Variants in TAFA2 observed in about 807,000 individuals in gnomAD.
TAFA2 encodes chemokine-like protein TAFA-2.
TAFA2 carries 7 observed loss-of-function variants against 18.8 expected under a neutral mutation model. The observed-to-expected ratio is 0.37, with a 90% confidence interval of 0.21 to 0.70. The LOEUF (loss-of-function observed/expected upper bound fraction) is 0.70. Ranked by LOEUF, TAFA2 falls within the 30% of genes least tolerant of loss-of-function variation. The pLI is 0.53. For synonymous variants in TAFA2, 60 were observed against 54.2 expected, an observed-to-expected ratio of 1.11 and a Z score of -0.47; for missense variants, 122 against 158.1, an observed-to-expected ratio of 0.77 and a Z score of 1.23.
intron 4 of TAFA2, among the ~76,000 whole-genome samples, chr12:61,734,247 A>C (rs1868267116): frequency 1.3e-5 from 2 of 151,748 alleles, no homozygotes. Flanking sequence ...CATCATTCTC[A>C]GTAAACTATC....
At chr12:61,861,847 A>T (rs1196353185) in intron 2 of TAFA2, among the ~76,000 whole-genome samples, 2 of 152,212 alleles carry the variant, frequency 1.3e-5, no homozygotes, top group Non-Finnish European at 2.9e-5. Context: ...AATTTAAAAA[A>T]TTTTGTTTTT....
At position 62,169,158 on chromosome 12, in the gene TAFA2, T is replaced by C. The variant is rs139793407; in HGVS notation, c.-2+22101A>G. 1.4e-3 allele frequency among the ~76,000 whole-genome samples: 208 copies of C among 152,310 alleles called. 1 individual carries two copies. The Middle Eastern group carries it at 0.027, about 20-fold the overall frequency. On this transcript the variant is annotated intron_variant, in intron 1 of 4. Coordinates refer to ENST00000416284, the MANE Select transcript of TAFA2 (RefSeq NM_178539.5). The stretch of plus-strand genomic sequence containing the variant: ...ACTGAAATATTTACAAAATAAATGA[T>C]AGATATCTTGAACCTTCTACAAAAT...
At chr12:61,994,736 A>G (rs560860723) in intron 1 of TAFA2, among the ~76,000 whole-genome samples, 1 of 151,884 alleles carries the variant, frequency 6.6e-6, no homozygotes, top group African/African-American at 2.4e-5. Flanking sequence ...TGTCCACTCA[A>G]TCTCCCTTCG....
intron 1 of TAFA2, among the ~76,000 whole-genome samples, chr12:61,959,809 C>T (rs1177777506): frequency 1.3e-5 from 2 of 151,980 alleles, no homozygotes; most frequent in Non-Finnish European, 2.9e-5. Flanking sequence ...TTTATTTAAA[C>T]ATTTGCAATG....
chr12:61,754,856 A>T lies in TAFA2; in HGVS notation c.259+16T>A, dbSNP rs769905728. On this transcript the variant is annotated intron_variant, in intron 3 of 4. Transcript: ENST00000416284. ...CTTGGCTGTGCTGTTACAATAAGGA[A>T]TGGAAGAAGTCACACCATCCACACA... The T allele has an allele frequency of 1.2e-6, 2 of 1,611,620 alleles. No individual in the cohort carries two copies. Among genetic ancestry groups the T allele is most frequent in the Admixed American group, 3.3e-5 (2 of 59,812 alleles).
At chr12:61,749,917 A>G (rs1014955049) in intron 4 of TAFA2, among the ~76,000 whole-genome samples, 1 of 152,062 alleles carries the variant, frequency 6.6e-6, no homozygotes, top group Non-Finnish European at 1.5e-5. Flanking sequence ...CCATACCATT[A>G]GGCAAGGACT....
chr12:62,046,401 G>A (rs1042037182), intron 1 of TAFA2, among the ~76,000 whole-genome samples: 26 of 151,814 alleles, frequency 1.7e-4, no homozygotes, highest in African/African-American at 6.3e-4. Context: ...AAAAAGATAT[G>A]CAGTACCTAA....
At chr12:61,808,635 T>C (rs1871729202) in intron 2 of TAFA2, among the ~76,000 whole-genome samples, 1 of 151,420 alleles carries the variant, frequency 6.6e-6, no homozygotes, top group Non-Finnish European at 1.5e-5. Context: ...GTTGGGTCCA[T>C]GTTTTTAAAA....
chr12:62,237,824 G>GT (rs2062845097), intron 1 of TAFA2, among the ~76,000 whole-genome samples: 1 of 152,170 alleles, frequency 6.6e-6, no homozygotes, highest in Non-Finnish European at 1.5e-5. Context: ...CAGATTAGGG[G>GT]TTACAGGGTC....
At chr12:61,934,223 A>C (rs1032864414) in intron 1 of TAFA2, among the ~76,000 whole-genome samples, 13 of 152,218 alleles carry the variant, frequency 8.5e-5, no homozygotes, top group African/African-American at 2.7e-4. Context: ...ACTGTTCTCC[A>C]AAACTTCCCT....
At chr12:62,111,629 T>C (rs1294353975) in intron 1 of TAFA2, among the ~76,000 whole-genome samples, 5 of 152,222 alleles carry the variant, frequency 3.3e-5, no homozygotes, top group African/African-American at 7.2e-5. Flanking sequence ...TGTAAGTCTC[T>C]TTGTAGGTCT....
At chr12:62,029,395 G>GC (rs1344817845) in intron 1 of TAFA2, among the ~76,000 whole-genome samples, 1 of 152,086 alleles carries the variant, frequency 6.6e-6, no homozygotes, top group Non-Finnish European at 1.5e-5. Context: ...TTATTGATAA[G>GC]AAAATTATGT....
intron 1 of TAFA2, among the ~76,000 whole-genome samples, chr12:62,239,709 T>G (rs1268668362): frequency 6.6e-6 from 1 of 152,200 alleles, no homozygotes; most frequent in Non-Finnish European, 1.5e-5. Flanking sequence ...GAACCCCAAC[T>G]GAGGTCCTAT....
chr12:61,774,735 T>G (rs1870182495), intron 2 of TAFA2, among the ~76,000 whole-genome samples: 1 of 151,560 alleles, frequency 6.6e-6, no homozygotes, highest in African/African-American at 2.4e-5. Context: ...CCTCTGGTGA[T>G]GGATGCACCG....
intron 1 of TAFA2, among the ~76,000 whole-genome samples, chr12:62,024,485 T>C (rs567342988): frequency 5.3e-5 from 8 of 152,304 alleles, no homozygotes; most frequent in African/African-American, 1.7e-4. Flanking sequence ...AGAAACCATT[T>C]TGGATCTCAA....
intron 1 of TAFA2, among the ~76,000 whole-genome samples, chr12:62,067,813 T>C (rs1466339429): frequency 6.6e-6 from 1 of 152,072 alleles, no homozygotes; most frequent in African/African-American, 2.4e-5. Context: ...AATATTCAGG[T>C]GACTTTTAAA....
intron 1 of TAFA2, among the ~76,000 whole-genome samples, chr12:61,873,854 C>T (rs1017771944): frequency 6.6e-6 from 1 of 151,876 alleles, no homozygotes; most frequent in African/African-American, 2.4e-5. Context: ...ATGGTGCCAT[C>T]GGTATTCATA....
rs533561425 is a variant in TAFA2, at chr12:61,980,166, C to T, written c.-1-112740G>A. The stretch of plus-strand genomic sequence containing the variant: ...GGTTTAACATATGCAAATCAATAAA[C>T]ATAATCCATCACATAAACAGAACCA... On this transcript the variant is annotated intron_variant, in intron 1 of 4. Transcript: ENST00000416284. Among the ~76,000 whole-genome samples, 8 of 152,204 alleles carry T rather than the reference C, an allele frequency of 5.3e-5. No individual in the cohort carries two copies. In the South Asian group the frequency reaches 1.7e-3, roughly 32 times the overall value.
At chr12:61,856,857 A>T (rs12579684) in intron 2 of TAFA2, among the ~76,000 whole-genome samples, 14,870 of 151,750 alleles carry the variant, frequency 0.098, 931 homozygotes, top group East Asian at 0.19. Context: ...CTAAAAATGA[A>T]AGGAAATAGC....
Sources: allele counts gnomAD v4.1 joint callset (sites outside exome capture counted in the v4.1 genomes callset), GRCh38; gene constraint gnomAD v4.1.1; transcripts MANE v1.5; gene names NCBI Gene and HGNC (gene_info 2026-07-23, HGNC 2026-07-21).